The following SLMAP variants were observed in gnomAD, a reference collection of about 807,000 sequenced individuals.
SLMAP encodes the protein sarcolemma associated protein, also known as sarcolemmal membrane-associated protein.
In SLMAP, 44 loss-of-function variants were observed where a neutral mutation model predicts 128.8. The ratio of observed to expected loss-of-function variants is 0.34; its 90% CI spans 0.27 to 0.44. The LOEUF (loss-of-function observed/expected upper bound fraction) is 0.44. SLMAP is among the 20% of genes least tolerant of loss of function. The pLI, the probability that SLMAP is intolerant of heterozygous loss-of-function variation, is 1.00. For missense variants in SLMAP, 787 were observed against 985.3 expected (o/e 0.80, Z 2.69); for synonymous variants, 327 against 348.8 (o/e 0.94, Z 0.70).
chr3:57,909,115 T>C lies in SLMAP; in HGVS notation c.1664T>C (p.Val555Ala). ...GAAAGAAAAGCCTATCGAAATCAAG[T>C]TGAGGAATCCACTAAACAAATACAG... is the stretch of plus-strand genomic sequence containing the variant. ...EEERKAYRNQ[V>A]EESTKQIQVL... The change falls in exon 19 of 25, where the codon GTT becomes GCT. Residue 555 changes from valine (V) to alanine (A), a missense_variant. Transcript: ENST00000671191. The C allele has an allele frequency of 6.2e-7, 1 of 1,612,304 alleles. No homozygotes were observed. The highest frequency in any genetic ancestry group is 1.1e-5 in the South Asian group (1 of 90,808).
rs1370005664 is a variant in SLMAP at position 57,925,853 on chromosome 3, A to G, written c.2454A>G (p.Ile818Met). The change falls in exon 24 of 25, where the codon ATA becomes ATG. Residue 818 changes from isoleucine to methionine, a missense_variant. Coordinates refer to ENST00000671191, the MANE Select transcript of SLMAP (RefSeq NM_001377540.1). ...LLREKGNNPSILQPVPAVFIG... is the reference protein window; with the variant it reads ...LLREKGNNPSMLQPVPAVFIG... ...TGCCTTCCCTTCTTTAGCCTTCCATATTACAACCCGTCCCAGCCGTATTCA... is the reference window on the plus strand; with the variant it reads ...TGCCTTCCCTTCTTTAGCCTTCCATGTTACAACCCGTCCCAGCCGTATTCA... The G allele has an allele frequency of 1.9e-6, 3 of 1,550,674 alleles. No individual in the cohort carries two copies. Among genetic ancestry groups the G allele is most frequent in the East Asian group, 2.4e-5 (1 of 40,908 alleles).
At chr3:57,825,766 A>G (rs569277205) in intron 2 of SLMAP, among the ~76,000 whole-genome samples, 74 of 152,298 alleles carry the variant, frequency 4.9e-4, no homozygotes, top group Non-Finnish European at 8.5e-4. Context: ...ACTAGGTACC[A>G]GGGTGTCCCA....
intron 2 of SLMAP, among the ~76,000 whole-genome samples, chr3:57,823,048 T>C (rs983731498): frequency 3.3e-5 from 5 of 152,100 alleles, no homozygotes; most frequent in African/African-American, 1.2e-4. Context: ...AGTTACCACA[T>C]TACAGTATTC....
chr3:57,836,506 A>T (rs2093649578), intron 3 of SLMAP, among the ~76,000 whole-genome samples: 1 of 152,056 alleles, frequency 6.6e-6, no homozygotes, highest in South Asian at 2.1e-4. Context: ...TGTTTTTTAA[A>T]TTTTTTTAAT....
intron 17 of SLMAP, among the ~76,000 whole-genome samples, chr3:57,907,457 G>A (rs185888150): frequency 6.6e-6 from 1 of 152,286 alleles, no homozygotes; most frequent in East Asian, 1.9e-4. Context: ...GTTACTTGAA[G>A]AAAAGTTTCT....
rs188715569 is a variant in SLMAP at position 57,817,360 on chromosome 3, A to G, written c.199-14023A>G. Among the ~76,000 whole-genome samples, 352 of 152,286 alleles carry G rather than the reference A, an allele frequency of 2.3e-3. 1 individual carries two copies. Among genetic ancestry groups the G allele is most frequent in the African/African-American group, 7.7e-3 (318 of 41,562 alleles). On this transcript the variant is annotated intron_variant, in intron 2 of 24. Transcript: ENST00000671191. ...ATGCACTTACTGTAAGTGATTTCTG[A>G]TGGTCACAAATCCATTCTATTATTA...
chr3:57,760,684 A>G (rs1359734199), intron 2 of SLMAP, among the ~76,000 whole-genome samples: 1 of 151,358 alleles, frequency 6.6e-6, no homozygotes, highest in Non-Finnish European at 1.5e-5. Flanking sequence ...ATGCCACTGC[A>G]CTCCAGCCTG....
intron 23 of SLMAP, among the ~76,000 whole-genome samples, chr3:57,925,180 C>T (rs1227588912): frequency 6.6e-6 from 1 of 151,918 alleles, no homozygotes; most frequent in Non-Finnish European, 1.5e-5. Context: ...GTCTCAAACT[C>T]CTGGCCTTAA....
At chr3:57,770,533 G>A (rs2080638180) in intron 2 of SLMAP, among the ~76,000 whole-genome samples, 1 of 152,224 alleles carries the variant, frequency 6.6e-6, no homozygotes, top group African/African-American at 2.4e-5. Flanking sequence ...TTCTTTGGGG[G>A]TAGTCGAGAA....
intron 9 of SLMAP, among the ~76,000 whole-genome samples, chr3:57,861,130 G>A (rs1177997570): frequency 2.6e-5 from 4 of 152,100 alleles, no homozygotes; most frequent in East Asian, 3.9e-4. Context: ...TATGTGCTGG[G>A]GAATTGATTT....
intron 2 of SLMAP, among the ~76,000 whole-genome samples, chr3:57,791,673 C>G (rs1354915526): frequency 6.6e-5 from 10 of 152,052 alleles, no homozygotes; most frequent in East Asian, 1.9e-4. Context: ...AACAGAAAAT[C>G]CAAAAATTGC....
chr3:57,858,285 G>C (rs2094886768), intron 8 of SLMAP, 126 bp downstream of exon 8: 3 of 648,402 alleles, frequency 4.6e-6, no homozygotes, highest in South Asian at 2.0e-5. Context: ...TAAATCTTTT[G>C]TGCTGAGAAA....
chr3:57,894,816 T>C (rs962148290), intron 15 of SLMAP, among the ~76,000 whole-genome samples: 1 of 152,212 alleles, frequency 6.6e-6, no homozygotes, highest in Non-Finnish European at 1.5e-5. Context: ...CAGGCATGTA[T>C]TAGCCCTATA....
chr3:57,784,009 T>G (rs2083571030), intron 2 of SLMAP, among the ~76,000 whole-genome samples: 1 of 152,134 alleles, frequency 6.6e-6, no homozygotes, highest in Admixed American at 6.5e-5. Context: ...CACTTGGTGA[T>G]AATTCTGTCA....
chr3:57,808,463 AT>A (rs1414199280), intron 2 of SLMAP, among the ~76,000 whole-genome samples: 1 of 152,082 alleles, frequency 6.6e-6, no homozygotes, highest in Non-Finnish European at 1.5e-5. Flanking sequence ...TTGTCTCTTT[AT>A]TCTCATTGGT....
In SLMAP at chr3:57,896,559, C is replaced by A; in HGVS notation, c.1409C>A (p.Pro470Gln). Residue 470 changes from proline to glutamine, a missense_variant, in exon 16 of 25, where the codon CCA (proline) becomes CAA (glutamine). Pro to Gln is a moderately conservative substitution (Grantham distance 76). Transcript: ENST00000671191. ...KESDFSDTLS[P>Q]SKEKSSDDTT... ...TCTGATTTTTCAGATACTCTGAGTCCAAGCAAGGAAAAAAGCAGTGACGAC... is the reference window on the plus strand; with the variant it reads ...TCTGATTTTTCAGATACTCTGAGTCAAAGCAAGGAAAAAAGCAGTGACGAC... 6.2e-7 allele frequency: 1 copy of A among 1,608,916 alleles called. No individual in the cohort carries two copies. The highest frequency in any genetic ancestry group is 8.5e-7 in the Non-Finnish European group (1 of 1,178,254).
chr3:57,927,100 T>G (rs114446899), intron 24 of SLMAP, among the ~76,000 whole-genome samples, 196 bp from the exon 25 acceptor site: 3,223 of 152,278 alleles, frequency 0.021, 100 homozygotes, highest in African/African-American at 0.073. Context: ...CAAATTGGTG[T>G]TCCTGCTATT....
intron 13 of SLMAP, among the ~76,000 whole-genome samples, chr3:57,869,834 A>G (rs952827088): frequency 6.6e-6 from 1 of 151,214 alleles, no homozygotes; most frequent in Non-Finnish European, 1.5e-5. Flanking sequence ...GGACATCTCA[A>G]TTAGAGCTAG....
At position 57,855,654 on chromosome 3, in the gene SLMAP, A is replaced by G. The variant is rs889957733; in HGVS notation, c.520-2079A>G. Among the ~76,000 whole-genome samples the G allele has an allele frequency of 1.2e-4, 17 of 141,536 alleles. No homozygotes were observed. The Admixed American group carries it at 1.2e-3, about 10-fold the overall frequency. 92.9% of individuals were successfully genotyped at this position (141,536 alleles called of 152,430 possible). On this transcript the variant is annotated intron_variant, in intron 6 of 24. Transcript: ENST00000671191. The stretch of plus-strand genomic sequence containing the variant: ...CACTTTGGATGGCTAAGGTGGGAGG[A>G]TCTTTGAGACCAGGAGTTCAAGACC...
Sources: allele counts gnomAD v4.1 joint callset (sites outside exome capture counted in the v4.1 genomes callset), GRCh38; gene constraint gnomAD v4.1.1; transcripts MANE v1.5; gene names NCBI Gene and HGNC (gene_info 2026-07-23, HGNC 2026-07-21).